RTKN: variants seen among roughly 807,000 people sequenced by gnomAD.
The protein encoded by RTKN is rhotekin.
Under a neutral mutation model 63.5 loss-of-function variants are expected in RTKN, and 49 were observed. The observed-to-expected ratio is 0.77, with a 90% CI of 0.61 to 0.98. RTKN has a LOEUF of 0.98. RTKN is among the 50% of genes least tolerant of loss of function. The pLI, the probability that RTKN is intolerant of heterozygous loss-of-function variation, is 0.00. For synonymous variants in RTKN, 295 were observed against 290.4 expected (o/e 1.02, Z -0.16); for missense variants, 685 against 740.8 (o/e 0.92, Z 0.87).
chr2:74,440,089 G>T, intron 1 of RTKN: 2 of 724,824 alleles, frequency 2.8e-6, no homozygotes, highest in Non-Finnish European at 3.5e-6. Flanking sequence ...GTGAGGGGCA[G>T]GCACAACTGG....
intron 1 of RTKN, chr2:74,439,437 C>T: frequency 8.3e-7 from 1 of 1,198,506 alleles, no homozygotes; most frequent in Non-Finnish European, 1.2e-6. Flanking sequence ...GTCCCTCTTC[C>T]CACTTTAAGC....
Position 74,428,391 on chromosome 2 carries a change from A to C in RTKN, c.963T>G (p.Ala321=). 6.2e-7 allele frequency: 1 copy of C among 1,614,104 alleles called. No individual in the cohort carries two copies. Residue 321 remains alanine (A), a synonymous_variant, in exon 9 of 12, where the codon GCT becomes GCG. Transcript: ENST00000272430. ...CTTGTGCCCAGTTCTGCATCTCCCC[A>C]GCTTGCTGCACAAATGACTCAACAT... is the stretch of plus-strand genomic sequence containing the variant. ...TASGTLRVQQ[A]GEMQNWAQVH...
At chr2:74,432,317 T>TA in intron 2 of RTKN, 150 bp downstream of exon 2, 1 of 821,690 alleles carries the variant, frequency 1.2e-6, no homozygotes, top group Non-Finnish European at 2.1e-6. Flanking sequence ...ACAGTGGTGG[T>TA]AAAACACCAA....
rs867732700 is a variant in RTKN at position 74,428,372 on chromosome 2, C to G, written c.982G>C (p.Ala328Pro). Residue 328 changes from alanine (A) to proline (P), a missense_variant, in exon 9 of 12, where the codon GCA becomes CCA. Transcript: ENST00000272430. ...VQQAGEMQNW[A>P]QVHGVLKGTN... ...CCTTTCAGAACTCCATGCACTTGTG[C>G]CCAGTTCTGCATCTCCCCAGCTTGC... 110 of 1,614,004 alleles carry G rather than the reference C, an allele frequency of 6.8e-5. No homozygotes were observed. The highest frequency in any genetic ancestry group is 8.9e-5 in the Non-Finnish European group (105 of 1,180,030).
At position 74,432,629 on chromosome 2, in the gene RTKN, C is replaced by T. The variant is rs1474280963; in HGVS notation, c.149G>A (p.Arg50Gln). The T allele has an allele frequency of 3.7e-6, 6 of 1,614,068 alleles. No individual in the cohort carries two copies. The highest frequency in any genetic ancestry group is 4.5e-5 in the East Asian group (2 of 44,894). Residue 50 changes from arginine to glutamine, a missense_variant, in exon 2 of 12, where the codon CGG (arginine) becomes CAG (glutamine). Coordinates refer to ENST00000272430, the MANE Select transcript of RTKN (RefSeq NM_001015055.2). ...CAGCTTACAGGCCCCTTCCCTCATC[C>T]GGATCTCATGGTCTAGCTTCCTCTG... ...ELQRKLDHEIRMREGACKLLA... is the reference protein window; with the variant it reads ...ELQRKLDHEIQMREGACKLLA...
chr2:74,425,899 T>A lies in RTKN; in HGVS notation c.*344A>T. On this transcript the variant is annotated 3_prime_UTR_variant, in exon 12 of 12. Coordinates refer to ENST00000272430, the MANE Select transcript of RTKN (RefSeq NM_001015055.2). ...GGTGAAGGCTGCTGTTAAATAACTT[T>A]AATGGTTGATGTGGGAGTCACAAGG... The A allele has an allele frequency of 2.3e-6, 2 of 858,584 alleles. No homozygotes were observed. Among genetic ancestry groups the A allele is most frequent in the South Asian group, 1.7e-5 (1 of 57,494 alleles). 53.2% of individuals were successfully genotyped at this position (858,584 alleles called of 1,614,324 possible).
chr2:74,432,431 C>T, intron 2 of RTKN, 36 bp downstream of exon 2: 1 of 1,589,736 alleles, frequency 6.3e-7, no homozygotes, highest in Admixed American at 1.7e-5. Flanking sequence ...AGAAGGCCTC[C>T]TGCCTCCATC....
intron 2 of RTKN, 124 bp from the exon 3 acceptor site, chr2:74,430,801 C>T (rs1670707150): frequency 1.1e-6 from 1 of 920,456 alleles, no homozygotes; most frequent in African/African-American, 1.7e-5. Context: ...GCCAGGCCGA[C>T]AGGCAGGGCT....
chr2:74,439,806 T>C, intron 1 of RTKN: 1 of 1,408,638 alleles, frequency 7.1e-7, no homozygotes, highest in Non-Finnish European at 9.3e-7. Context: ...CTCTGGCTGC[T>C]GTGACAAATT....
At position 74,430,308 on chromosome 2, in the gene RTKN, C is replaced by A. The variant is rs138156095; in HGVS notation, c.489G>T (p.Glu163Asp). The A allele has an allele frequency of 1.6e-5, 26 of 1,613,990 alleles. No individual in the cohort carries two copies. The highest frequency in any genetic ancestry group is 2.1e-5 in the Non-Finnish European group (25 of 1,179,972). ...TGAGGGTCCTGTCCACTAGGATCAT[C>A]TCTGTGTCCTGGATGTGTTCCCCCA... ...LQLGEHIQDT[E>D]MILVDRTLTD... Residue 163 changes from glutamate (E) to aspartate (D), a missense_variant, in exon 5 of 12, where the codon GAG becomes GAT. Transcript: ENST00000272430.
At chr2:74,427,771 A>G (rs914674647) in intron 9 of RTKN, 179 bp from the exon 10 acceptor site, 1 of 619,910 alleles carries the variant, frequency 1.6e-6, no homozygotes, top group Admixed American at 3.1e-5. Flanking sequence ...TGAGACAGCC[A>G]GTCCTGAGTC....
intron 8 of RTKN, 102 bp from the exon 9 acceptor site, chr2:74,428,498 A>G (rs1367409295): frequency 1.3e-5 from 21 of 1,594,650 alleles, no homozygotes; most frequent in Non-Finnish European, 1.8e-5. Context: ...CCTGCTGTCC[A>G]TTCCTCCCCT....
intron 1 of RTKN, among the ~76,000 whole-genome samples, chr2:74,437,163 C>T (rs1223776419): frequency 6.6e-6 from 1 of 152,186 alleles, no homozygotes; most frequent in Non-Finnish European, 1.5e-5. Flanking sequence ...CAGAATTTGA[C>T]CCCTGGAACC....
intron 3 of RTKN, 29 bp from the exon 4 acceptor site, chr2:74,430,547 T>C: frequency 6.2e-7 from 1 of 1,613,834 alleles, no homozygotes; most frequent in Non-Finnish European, 8.5e-7. Context: ...AGAATAGATG[T>C]TGAGATGGGG....
At chr2:74,429,073 A>T in intron 6 of RTKN, 131 bp from the exon 7 acceptor site, 1 of 692,588 alleles carries the variant, frequency 1.4e-6, no homozygotes, top group Non-Finnish European at 2.6e-6. Context: ...CCAGAGGGTT[A>T]GGAATGAACA....
At position 74,428,924 on chromosome 2, in the gene RTKN, G is replaced by C. The variant is rs1407155706; in HGVS notation, c.774C>G (p.Leu258=). ...TPVVGGPRYH[L]LAHTTLTLAA... ...CCAGGGTGAGTGTGGTGTGAGCCAA[G>C]AGGTGGTAACGAGGACCACTGAGGG... Residue 258 remains leucine, a synonymous_variant, in exon 7 of 12, where the codon CTC becomes CTG. Coordinates refer to ENST00000272430, the MANE Select transcript of RTKN (RefSeq NM_001015055.2). 1.2e-6 allele frequency: 2 copies of C among 1,614,004 alleles called. No homozygotes were observed. The highest frequency in any genetic ancestry group is 1.7e-6 in the Non-Finnish European group (2 of 1,179,998).
At chr2:74,432,936 A>AC (rs1189462004) in intron 1 of RTKN, among the ~76,000 whole-genome samples, 1 of 151,834 alleles carries the variant, frequency 6.6e-6, no homozygotes, top group Non-Finnish European at 1.5e-5. Context: ...ACATAGTGAG[A>AC]CCCCACCTCT....
chr2:74,427,188 C>A lies in RTKN; in HGVS notation c.1341G>T (p.Gly447=), dbSNP rs1670444531. 2 of 1,614,024 alleles carry A rather than the reference C, an allele frequency of 1.2e-6. No homozygotes were observed. Among genetic ancestry groups the A allele is most frequent in the Non-Finnish European group, 1.7e-6 (2 of 1,179,930 alleles). ...RKPPQALAKQ[G]SLYHEMAIEP... ...ACTTACCCATCTCATGGTACAAGGA[C>A]CCCTGCTTTGCCAGTGCTTGGGGTG... Residue 447 remains glycine (G), a synonymous_variant, in exon 11 of 12, where the codon GGG becomes GGT. Coordinates refer to ENST00000272430, the MANE Select transcript of RTKN (RefSeq NM_001015055.2).
At position 74,427,599 on chromosome 2, in the gene RTKN, G is replaced by A; in HGVS notation, c.1087-7C>T. On this transcript the variant is annotated splice_region_variant and splice_polypyrimidine_tract_variant and intron_variant, in intron 9 of 11. Coordinates refer to ENST00000272430, the MANE Select transcript of RTKN (RefSeq NM_001015055.2). ...CTGCCCGGACTCGAGTCTCCTGCAG[G>A]AGAAAGAAGAGGTCTACCTTGGTCA... 1 of 1,611,060 alleles carries A rather than the reference G, an allele frequency of 6.2e-7. No homozygotes were observed. Among genetic ancestry groups the A allele is most frequent in the Non-Finnish European group, 8.5e-7 (1 of 1,179,446 alleles).
Sources: gnomAD v4.1 joint callset for allele counts (sites outside exome capture counted in the v4.1 genomes callset) on GRCh38, gnomAD v4.1.1 for gene constraint, MANE v1.5 for transcripts, NCBI Gene and HGNC (gene_info 2026-07-23, HGNC 2026-07-21) for gene names.